The following TOX2 variants were observed in gnomAD, a reference collection of about 807,000 sequenced individuals.
The protein encoded by TOX2 is TOX high mobility group box family member 2, also known as granulosa cell HMG box 1.
TOX2 carries 15 observed loss-of-function variants against 47.4 expected under a neutral mutation model. That is an observed-to-expected ratio of 0.32 (90% CI 0.21 to 0.49). The LOEUF is 0.49. Ranked by LOEUF, TOX2 falls within the 20% of genes least tolerant of loss-of-function variation. The pLI is 0.99. For synonymous variants in TOX2, 290 were observed against 296.6 expected, an observed-to-expected ratio of 0.98 and a Z score of 0.23; for missense variants, 622 against 673.1, an observed-to-expected ratio of 0.92 and a Z score of 0.84.
chr20:43,989,217 C>T (rs1489781528), intron 2 of TOX2, among the ~76,000 whole-genome samples: 1 of 152,168 alleles, frequency 6.6e-6, no homozygotes, highest in Middle Eastern at 3.2e-3. Flanking sequence ...AAGTGCTGGC[C>T]TAGTGTACTT....
At chr20:43,971,689 C>A (rs2069971068) in intron 1 of TOX2, among the ~76,000 whole-genome samples, 1 of 152,152 alleles carries the variant, frequency 6.6e-6, no homozygotes, top group Non-Finnish European at 1.5e-5. Context: ...AAACTAGAAA[C>A]AATGCAACTA....
intron 2 of TOX2, among the ~76,000 whole-genome samples, chr20:43,998,798 T>A (rs1357330983): frequency 6.6e-6 from 1 of 152,126 alleles, no homozygotes; most frequent in African/African-American, 2.4e-5. Flanking sequence ...CTCATTCTGT[T>A]ACTCAGGATG....
At chr20:43,966,454 G>A (rs1368601859) in intron 1 of TOX2, among the ~76,000 whole-genome samples, 1 of 152,116 alleles carries the variant, frequency 6.6e-6, no homozygotes, top group Admixed American at 6.5e-5. Context: ...ATGGTGGGAC[G>A]ATGTGTAAGA....
chr20:44,015,213 G>A lies in TOX2; in HGVS notation c.411+8421G>A, dbSNP rs78005429. On this transcript the variant is annotated intron_variant, in intron 3 of 8. Transcript: ENST00000341197. ...CTTCCTTTGTATTTACCAGAGTCCA[G>A]ATGAAACTCCTGGCCCCTGTTTTTC... Among the ~76,000 whole-genome samples, 47 of 152,290 alleles carry A rather than the reference G, an allele frequency of 3.1e-4. No homozygotes were observed. The East Asian group carries it at 8.9e-3, about 29-fold the overall frequency.
chr20:44,059,795 A>G (rs138103116), intron 5 of TOX2, among the ~76,000 whole-genome samples: 28 of 152,360 alleles, frequency 1.8e-4, no homozygotes, highest in Non-Finnish European at 3.5e-4. Context: ...CAAAAATGGA[A>G]TCTCCTTAAA....
At chr20:44,056,347 A>G (rs957334577) in intron 5 of TOX2, among the ~76,000 whole-genome samples, 1 of 152,238 alleles carries the variant, frequency 6.6e-6, no homozygotes, top group Non-Finnish European at 1.5e-5. Context: ...CTTTTGCTAT[A>G]GGGACGTCTG....
chr20:43,922,117 A>G (rs755655684), intron 1 of TOX2, among the ~76,000 whole-genome samples: 2 of 152,174 alleles, frequency 1.3e-5, no homozygotes, highest in South Asian at 2.1e-4. Flanking sequence ...TTATCTGTAC[A>G]AGGGGACAGA....
intron 8 of TOX2, 142 bp downstream of exon 8, chr20:44,066,999 A>G (rs1417733426): frequency 1.6e-6 from 2 of 1,255,108 alleles, no homozygotes; most frequent in Non-Finnish European, 2.1e-6. Flanking sequence ...GGGGATCGAT[A>G]TCTCAGATGA....
At chr20:44,020,660 C>T (rs1216619133) in intron 3 of TOX2, among the ~76,000 whole-genome samples, 1 of 152,096 alleles carries the variant, frequency 6.6e-6, no homozygotes, top group Non-Finnish European at 1.5e-5. Context: ...GTTAGAGATG[C>T]AGATTCTCAG....
intron 1 of TOX2, among the ~76,000 whole-genome samples, chr20:43,939,729 C>A (rs1366438228): frequency 1.3e-5 from 2 of 152,164 alleles, no homozygotes; most frequent in Non-Finnish European, 2.9e-5. Context: ...CTCCTCTGAG[C>A]CTGTTGGCAC....
chr20:44,043,442 C>T (rs1348262124), intron 3 of TOX2, among the ~76,000 whole-genome samples: 2 of 152,206 alleles, frequency 1.3e-5, no homozygotes, highest in African/African-American at 4.8e-5. Flanking sequence ...ACTACATTTT[C>T]ATATATCCTT....
chr20:43,969,423 T>A (rs751178476), intron 1 of TOX2, among the ~76,000 whole-genome samples: 1 of 152,218 alleles, frequency 6.6e-6, no homozygotes, highest in Non-Finnish European at 1.5e-5. Flanking sequence ...CCCTGCTGTG[T>A]CTGAGGGCAG....
chr20:43,916,460 G>T lies in TOX2; in HGVS notation c.99+1470G>T, dbSNP rs2069056441. ...CACTAGGGCCTGCGCGATGTGGGGC[G>T]GTGGTGGGCGACAAGTGAGGTCTCG... On this transcript the variant is annotated intron_variant, in intron 1 of 8. Coordinates refer to ENST00000341197, the MANE Select transcript of TOX2 (RefSeq NM_001098797.2). This position sits in a 1 kb window ranked among gnomAD's most constrained non-coding sequence, Gnocchi z 5.0. Among the ~76,000 whole-genome samples the T allele has an allele frequency of 6.6e-6, 1 of 152,240 alleles. No homozygotes were observed. Among genetic ancestry groups the T allele is most frequent in the Admixed American group, 6.5e-5 (1 of 15,290 alleles).
chr20:43,917,346 C>T (rs1227455448), intron 1 of TOX2, among the ~76,000 whole-genome samples: 1 of 152,074 alleles, frequency 6.6e-6, no homozygotes, highest in African/African-American at 2.4e-5. Flanking sequence ...AGGGAAATGC[C>T]CAAGCTCCAC....
rs191922186 is a variant in TOX2 at position 43,944,800 on chromosome 20, C to T, written c.100-28567C>T. Among the ~76,000 whole-genome samples, 57 of 152,326 alleles carry T rather than the reference C, an allele frequency of 3.7e-4. 1 individual carries two copies. Among genetic ancestry groups the T allele is most frequent in the African/African-American group, 1.3e-3 (56 of 41,568 alleles). ...TAGTTTAATAGCACCTGGCATAGTA[C>T]ATGACACTTAATAGGTACTATTATC... is the stretch of plus-strand genomic sequence containing the variant. On this transcript the variant is annotated intron_variant, in intron 1 of 8. Transcript: ENST00000341197.
At chr20:44,033,095 C>G (rs2071182475) in intron 3 of TOX2, among the ~76,000 whole-genome samples, 2 of 152,196 alleles carry the variant, frequency 1.3e-5, no homozygotes, top group African/African-American at 4.8e-5. Context: ...AACAAGACAT[C>G]TACATTTCAG....
At chr20:44,058,752 A>T (rs2071666689) in intron 5 of TOX2, among the ~76,000 whole-genome samples, 1 of 152,214 alleles carries the variant, frequency 6.6e-6, no homozygotes, top group African/African-American at 2.4e-5. Context: ...GTACTAGCCC[A>T]GAGCCCGGTA....
At chr20:44,065,434 C>T (rs2071795933) in intron 6 of TOX2, among the ~76,000 whole-genome samples, 1 of 152,230 alleles carries the variant, frequency 6.6e-6, no homozygotes. Context: ...ATGATTAGAG[C>T]TGGCTCAGTG....
chr20:44,002,109 C>A (rs1406111744), intron 2 of TOX2, among the ~76,000 whole-genome samples: 1 of 152,154 alleles, frequency 6.6e-6, no homozygotes, highest in African/African-American at 2.4e-5. Context: ...CATATCACCC[C>A]AGAAAGTAGA....
Sources: gnomAD v4.1 joint callset for allele counts (sites outside exome capture counted in the v4.1 genomes callset) on GRCh38, gnomAD v4.1.1 for gene constraint, Gnocchi (gnomAD v3.1) non-coding constraint, MANE v1.5 for transcripts, NCBI Gene and HGNC (gene_info 2026-07-23, HGNC 2026-07-21) for gene names.